Variants in DLGAP2 observed in about 807,000 individuals in gnomAD.
DLGAP2 encodes the protein DLG associated protein 2.
DLGAP2 carries 26 observed loss-of-function variants against 100.3 expected under a neutral mutation model. That is an observed-to-expected ratio of 0.26 (90% CI 0.19 to 0.36). DLGAP2 has a LOEUF of 0.36. Among genes scored for constraint, DLGAP2 ranks in the 10% least tolerant of loss-of-function variants. DLGAP2 has a pLI of 1.00. For missense variants in DLGAP2, 1,858 were observed against 1,453.2 expected (o/e 1.28, Z -4.53); for synonymous variants, 886 against 630.1 (o/e 1.41, Z -6.08).
In DLGAP2 at chr8:1,465,751, A is replaced by T. The variant is rs1308585348; in HGVS notation, c.107-35615A>T. ...TGCGCTCTGTGTTGCTAGCAGACCAAGGGTGGAAACTAGCAAGGCCTATGT... is the reference window on the plus strand; with the variant it reads ...TGCGCTCTGTGTTGCTAGCAGACCATGGGTGGAAACTAGCAAGGCCTATGT... On this transcript the variant is annotated intron_variant, in intron 3 of 14. Transcript: ENST00000637795. Among the ~76,000 whole-genome samples, 6 of 152,222 alleles carry T rather than the reference A, an allele frequency of 3.9e-5. No individual in the cohort carries two copies. In the South Asian group the frequency reaches 1.0e-3, roughly 26 times the overall value.
chr8:1,676,235 C>CAACA (rs1798808017), intron 10 of DLGAP2, among the ~76,000 whole-genome samples: 1 of 152,140 alleles, frequency 6.6e-6, no homozygotes, highest in South Asian at 2.1e-4. Flanking sequence ...TAATGCAGTT[C>CAACA]AACAACACCT....
chr8:1,098,052 T>C (rs1804447014), intron 2 of DLGAP2, among the ~76,000 whole-genome samples: 1 of 152,362 alleles, frequency 6.6e-6, no homozygotes, highest in Non-Finnish European at 1.5e-5. Flanking sequence ...CTGGTTTTGA[T>C]CTGAAGAGAA....
At chr8:1,005,405 G>GTTTTT (rs34780471) in intron 2 of DLGAP2, among the ~76,000 whole-genome samples, 2 of 99,202 alleles carry the variant, frequency 2.0e-5, no homozygotes, top group Non-Finnish European at 2.1e-5. Context: ...AACTCCACTT[G>GTTTTT]TTTTTTTTTT....
rs188042652 is a variant in DLGAP2, at chr8:883,607, G to A, written c.19-24305G>A. ...GCGGCGGTTCGTTACATAGGAACGC[G>A]TGTGCCGCGGCGGTTCGTTACGTAG... On this transcript the variant is annotated intron_variant, in intron 1 of 14. Coordinates refer to ENST00000637795, the MANE Select transcript of DLGAP2 (RefSeq NM_001346810.2). 7.6e-3 allele frequency among the ~76,000 whole-genome samples: 1,147 copies of A among 151,816 alleles called. 13 individuals are homozygous for A. The highest frequency in any genetic ancestry group is 0.01 in the Middle Eastern group (3 of 290).
intron 6 of DLGAP2, among the ~76,000 whole-genome samples, chr8:1,568,658 A>G (rs1802519536): frequency 8.4e-6 from 1 of 119,430 alleles, no homozygotes; most frequent in Non-Finnish European, 1.7e-5. Context: ...CCCCCATGCC[A>G]CTGTCCACTC....
At chr8:886,918 A>G (rs1048224962) in intron 1 of DLGAP2, among the ~76,000 whole-genome samples, 2 of 152,202 alleles carry the variant, frequency 1.3e-5, no homozygotes, top group African/African-American at 4.8e-5. Flanking sequence ...AGTCCTGAAT[A>G]TCCTTGAGAA....
At chr8:1,497,917 C>T (rs990662988) in intron 3 of DLGAP2, among the ~76,000 whole-genome samples, 1 of 152,230 alleles carries the variant, frequency 6.6e-6, no homozygotes, top group Non-Finnish European at 1.5e-5. Context: ...GAATGACCCA[C>T]AGCCCGTGGC....
chr8:1,193,803 G>A (rs1797691645), intron 2 of DLGAP2, among the ~76,000 whole-genome samples: 1 of 151,848 alleles, frequency 6.6e-6, no homozygotes, highest in Non-Finnish European at 1.5e-5. Context: ...GCCCCCTGCA[G>A]CCAGCACCTG....
rs1379847524 is a variant in DLGAP2 at position 1,626,776 on chromosome 8, G to T, written c.1479G>T (p.Val493=). The T allele has an allele frequency of 1.2e-6, 2 of 1,604,150 alleles. No homozygotes were observed. ...TGCAAGCTGCAAGCGATGTGCCTGT[G>T]GGACACAGCCTGGACCCCGCTGCGA... ...TYLQAASDVP[V]GHSLDPAANY... The change falls in exon 7 of 15, where the codon GTG becomes GTT. Residue 493 remains valine (V), a synonymous_variant. Coordinates refer to ENST00000637795, the MANE Select transcript of DLGAP2 (RefSeq NM_001346810.2).
chr8:1,372,234 G>GTGCCAACGCTGGGACGCTGGTCACCGTGC lies in DLGAP2; in HGVS notation c.106+113417_106+113445dup, dbSNP rs1563111407. On this transcript the variant is annotated intron_variant, in intron 3 of 14. Coordinates refer to ENST00000637795, the MANE Select transcript of DLGAP2 (RefSeq NM_001346810.2). ...CAACGCTGGGACGCTGGTCACCGTG[G>GTGCCAACGCTGGGACGCTGGTCACCGTGC]TGCCAACGCTGGGACGCTGGTCACC... Among the ~76,000 whole-genome samples the GTGCCAACGCTGGGACGCTGGTCACCGTGC allele has an allele frequency of 9.1e-4, 75 of 82,778 alleles. 1 individual carries two copies. Among genetic ancestry groups the GTGCCAACGCTGGGACGCTGGTCACCGTGC allele is most frequent in the African/African-American group, 3.1e-3 (73 of 23,932 alleles). 54.3% of individuals were successfully genotyped at this position (82,778 alleles called of 152,430 possible).
intron 2 of DLGAP2, among the ~76,000 whole-genome samples, chr8:1,105,559 A>G (rs993749810): frequency 5.3e-5 from 8 of 149,568 alleles, no homozygotes; most frequent in Non-Finnish European, 8.9e-5. Context: ...CTGCCGGTGC[A>G]CTATCTACTG....
intron 6 of DLGAP2, among the ~76,000 whole-genome samples, chr8:1,595,847 T>C (rs1796440947): frequency 6.6e-6 from 1 of 151,630 alleles, no homozygotes; most frequent in Non-Finnish European, 1.5e-5. Flanking sequence ...TGTATTTTAT[T>C]CTTTTTTTAA....
intron 1 of DLGAP2, among the ~76,000 whole-genome samples, chr8:859,822 G>A (rs1305013647): frequency 1.3e-5 from 2 of 152,158 alleles, no homozygotes; most frequent in African/African-American, 2.4e-5. Flanking sequence ...GAGGTGCGGT[G>A]TAGGGGCCAC....
At chr8:902,288 C>T (rs189780184) in intron 1 of DLGAP2, among the ~76,000 whole-genome samples, 313 of 151,932 alleles carry the variant, frequency 2.1e-3, no homozygotes, top group Middle Eastern at 0.01. Context: ...TGGCACAGAG[C>T]GGACGTGTGT....
chr8:1,194,217 CCGACTCAGGAGG>C (rs1797702250), intron 2 of DLGAP2, among the ~76,000 whole-genome samples: 2 of 152,212 alleles, frequency 1.3e-5, no homozygotes, highest in South Asian at 4.1e-4. Context: ...TGTTCTCAGC[CCGACTCAGGAGG>C]AGCTCAGCTG....
At chr8:755,675 C>A (rs1359077359) in intron 1 of DLGAP2, among the ~76,000 whole-genome samples, 1 of 152,066 alleles carries the variant, frequency 6.6e-6, no homozygotes, top group African/African-American at 2.4e-5. Context: ...CTTTGTGAAT[C>A]TGAGGACTGT....
chr8:773,535 C>T (rs1821424349), intron 1 of DLGAP2, among the ~76,000 whole-genome samples: 1 of 144,166 alleles, frequency 6.9e-6, no homozygotes, highest in South Asian at 2.4e-4. Context: ...GTGTGATATT[C>T]CCCTTCCTGT....
chr8:1,371,477 G>T (rs767259212), intron 3 of DLGAP2, among the ~76,000 whole-genome samples: 1 of 152,218 alleles, frequency 6.6e-6, no homozygotes, highest in Non-Finnish European at 1.5e-5. Flanking sequence ...TGCCCAGCGC[G>T]TTGCTGCCCA....
At chr8:987,501 C>A (rs13274351) in intron 2 of DLGAP2, among the ~76,000 whole-genome samples, 6 of 151,962 alleles carry the variant, frequency 3.9e-5, no homozygotes, top group Admixed American at 6.6e-5. Flanking sequence ...TTCTGCCGGA[C>A]GCCCCCACGA....
Sources: gnomAD v4.1 joint callset for allele counts (sites outside exome capture counted in the v4.1 genomes callset) on GRCh38, gnomAD v4.1.1 for gene constraint, MANE v1.5 for transcripts, NCBI Gene and HGNC (gene_info 2026-07-23, HGNC 2026-07-21) for gene names.